Variants in PCDHGB4 observed in about 807,000 individuals in gnomAD.
PCDHGB4 encodes protocadherin gamma subfamily B, 4, also known as protocadherin gamma-B4.
Under a neutral mutation model 60.5 loss-of-function variants are expected in PCDHGB4, and 38 were observed. The ratio of observed to expected loss-of-function variants is 0.63; its 90% CI spans 0.48 to 0.82. The LOEUF is 0.82. PCDHGB4 is among the 40% of genes least tolerant of loss of function. PCDHGB4 has a pLI of 0.00. For synonymous variants in PCDHGB4, 456 were observed against 509.7 expected (o/e 0.89, Z 1.42); for missense variants, 1,109 against 1,209.6 (o/e 0.92, Z 1.23).
chr5:141,428,121 G>A (rs764584436), intron 1 of PCDHGB4: 2 of 1,605,742 alleles, frequency 1.2e-6, no homozygotes, highest in Admixed American at 1.7e-5. Flanking sequence ...CATCGAGCCC[G>A]GGCTTTTCAG....
Position 141,510,942 on chromosome 5 carries a change from T to C in PCDHGB4, c.2546-5T>C, listed in dbSNP as rs769766039. On this transcript the variant is annotated splice_region_variant and splice_polypyrimidine_tract_variant and intron_variant, in intron 3 of 3. Transcript: ENST00000519479. ...CTCCCACCTGATCTTCCTCTGTCTCTGCAGAAGCTGCTGATGGGAGCTCCA... is the reference window on the plus strand; with the variant it reads ...CTCCCACCTGATCTTCCTCTGTCTCCGCAGAAGCTGCTGATGGGAGCTCCA... 5 of 1,613,984 alleles carry C rather than the reference T, an allele frequency of 3.1e-6. No homozygotes were observed. The highest frequency in any genetic ancestry group is 4.2e-6 in the Non-Finnish European group (5 of 1,180,014).
At position 141,486,827 on chromosome 5, in the gene PCDHGB4, C is replaced by G. The variant is rs758132181; in HGVS notation, c.2398-7980C>G. 1.2e-6 allele frequency: 2 copies of G among 1,614,228 alleles called. No homozygotes were observed. Among genetic ancestry groups the G allele is most frequent in the Admixed American group, 1.7e-5 (1 of 60,034 alleles). On this transcript the variant is annotated intron_variant, in intron 1 of 3. Transcript: ENST00000519479. This position sits in a 1 kb window ranked among gnomAD's most constrained non-coding sequence, Gnocchi z 5.0. ...ACCCCTTAGCAGCACTGTAACAGTTCGTCTATTTGTGCTGGACCTCAATGA... is the reference window on the plus strand; with the variant it reads ...ACCCCTTAGCAGCACTGTAACAGTTGGTCTATTTGTGCTGGACCTCAATGA...
chr5:141,476,205 C>G lies in PCDHGB4; in HGVS notation c.2398-18602C>G. ...CTGCTTGGTGCCTTGAACAAGGCTT[C>G]CACGGTCATTCACTATGAGATCCCG... On this transcript the variant is annotated intron_variant, in intron 1 of 3. Transcript: ENST00000519479. The surrounding 1 kb of genome is among the most constrained non-coding windows in gnomAD (Gnocchi z 7.6). 1 of 1,613,892 alleles carries G rather than the reference C, an allele frequency of 6.2e-7. No homozygotes were observed. Among genetic ancestry groups the G allele is most frequent in the Non-Finnish European group, 8.5e-7 (1 of 1,180,012 alleles).
chr5:141,478,202 C>T, intron 1 of PCDHGB4: 1 of 1,614,074 alleles, frequency 6.2e-7, no homozygotes, highest in Non-Finnish European at 8.5e-7. Flanking sequence ...TTATCTACTT[C>T]TTTCTCTAAT....
intron 1 of PCDHGB4, chr5:141,421,710 A>G (rs781498853): frequency 1.2e-6 from 2 of 1,613,940 alleles, no homozygotes; most frequent in South Asian, 2.2e-5. Flanking sequence ...CTAGGGATCC[A>G]GATGTGGGCG....
At chr5:141,505,523 G>C in intron 3 of PCDHGB4, 42 bp downstream of exon 3, 2 of 1,612,760 alleles carry the variant, frequency 1.2e-6, no homozygotes, top group South Asian at 2.2e-5. Context: ...GGGAGACCTG[G>C]GGTTCTGGGG....
intron 1 of PCDHGB4, chr5:141,408,023 A>G (rs2095028170): frequency 1.9e-6 from 2 of 1,054,662 alleles, no homozygotes; most frequent in Middle Eastern, 3.2e-4. Context: ...CCAACAACAG[A>G]AAGAAGAAAA....
chr5:141,433,837 CAAA>C (rs56191208), intron 1 of PCDHGB4, among the ~76,000 whole-genome samples: 5 of 111,684 alleles, frequency 4.5e-5, no homozygotes, highest in Admixed American at 2.0e-4. Flanking sequence ...AACTCTATCT[CAAA>C]AAAAAAAAAA....
At chr5:141,415,712 T>G (rs2095901969) in intron 1 of PCDHGB4, 3 of 1,326,794 alleles carry the variant, frequency 2.3e-6, no homozygotes, top group Non-Finnish European at 3.1e-6. Context: ...GCTAAAACAC[T>G]GATGAGTAGA....
At chr5:141,450,445 T>C (rs1490338949) in intron 1 of PCDHGB4, among the ~76,000 whole-genome samples, 1 of 152,168 alleles carries the variant, frequency 6.6e-6, no homozygotes, top group East Asian at 1.9e-4. Context: ...ATTTGTTTTA[T>C]GTTTCCTCGT....
chr5:141,442,716 G>A (rs1367250926), intron 1 of PCDHGB4, among the ~76,000 whole-genome samples: 1 of 152,206 alleles, frequency 6.6e-6, no homozygotes, highest in East Asian at 1.9e-4. Context: ...ACATGCCAGA[G>A]CATTTGGGGC....
chr5:141,416,817 C>T (rs1197915095), intron 1 of PCDHGB4: 1 of 151,958 alleles, frequency 6.6e-6, no homozygotes, highest in Non-Finnish European at 1.5e-5. Flanking sequence ...AAAAAGCATT[C>T]CGAAGTTTCT....
At position 141,431,270 on chromosome 5, in the gene PCDHGB4, G is replaced by C. The variant is rs369177310; in HGVS notation, c.2397+40989G>C. 1.2e-5 allele frequency: 19 copies of C among 1,613,996 alleles called. No homozygotes were observed. Among genetic ancestry groups the C allele is most frequent in the Non-Finnish European group, 1.5e-5 (18 of 1,180,018 alleles). ...CGGGAAGAACTCTCTGCAGAGCTAC[G>C]AGCTCAGCCCGAACACTCACTTCTC... is the stretch of plus-strand genomic sequence containing the variant. On this transcript the variant is annotated intron_variant, in intron 1 of 3. Coordinates refer to ENST00000519479, the MANE Select transcript of PCDHGB4 (RefSeq NM_003736.4). This position sits in a 1 kb window ranked among gnomAD's most constrained non-coding sequence, Gnocchi z 4.8.
At position 141,454,796 on chromosome 5, in the gene PCDHGB4, A is replaced by ATTTTT. The variant is rs61612330; in HGVS notation, c.2398-39986_2398-39982dup. ...AAGGAAATAATCCTCCATGGTTCTA[A>ATTTTT]TTTTTTTTTTTTTTTTTTTTTTTTT... On this transcript the variant is annotated intron_variant, in intron 1 of 3. Coordinates refer to ENST00000519479, the MANE Select transcript of PCDHGB4 (RefSeq NM_003736.4). 4.5e-3 allele frequency among the ~76,000 whole-genome samples: 350 copies of ATTTTT among 77,444 alleles called. 39 individuals are homozygous for ATTTTT. The highest frequency in any genetic ancestry group is 0.016 in the African/African-American group (266 of 16,872). The allele number at this position is 77,444 out of a possible 152,430, so 50.8% of individuals were successfully genotyped here.
rs201704748 is a variant in PCDHGB4, at chr5:141,431,453, G to A, written c.2397+41172G>A. The A allele has an allele frequency of 5.7e-4, 914 of 1,613,802 alleles. 10 individuals are homozygous for A. The South Asian group carries it at 9.6e-3, about 17-fold the overall frequency. ...AGGCACCGCGCGCATCCGCGTGATG[G>A]TTCTGGATGCGAACGACAACGCACC... On this transcript the variant is annotated intron_variant, in intron 1 of 3. Coordinates refer to ENST00000519479, the MANE Select transcript of PCDHGB4 (RefSeq NM_003736.4). This position sits in a 1 kb window ranked among gnomAD's most constrained non-coding sequence, Gnocchi z 4.8.
In PCDHGB4 at chr5:141,405,345, A is replaced by G. The variant is rs758657243; in HGVS notation, c.2397+15064A>G. 3 of 1,613,944 alleles carry G rather than the reference A, an allele frequency of 1.9e-6. No homozygotes were observed. In the South Asian group the frequency reaches 3.3e-5, roughly 18 times the overall value. On this transcript the variant is annotated intron_variant, in intron 1 of 3. Coordinates refer to ENST00000519479, the MANE Select transcript of PCDHGB4 (RefSeq NM_003736.4). ...CCTTTGTGCGTCTCTGTTGATTCCA[A>G]GTTTCCTATAGAAGACACCCCTTTG...
Position 141,388,686 on chromosome 5 carries a change from GA to G in PCDHGB4, c.803del (p.Asp268AlafsTer25). 1 of 1,613,980 alleles carries G rather than the reference GA, an allele frequency of 6.2e-7. No homozygotes were observed. The highest frequency in any genetic ancestry group is 8.5e-7 in the Non-Finnish European group (1 of 1,179,884). ...CACGGTGCTACAGGTGACTGCCACG[GA>G]CCAGGATGAGGGTGTCAATGCCGAG... ...GTTVLQVTAT[D>X]QDEGVNAEIT... is the part of the protein sequence containing the mutation. On this transcript the variant is annotated frameshift_variant, in exon 1 of 4. Transcript: ENST00000519479. LOFTEE classifies it high-confidence loss of function.
Position 141,454,796 on chromosome 5 carries a change from A to ATTT in PCDHGB4, c.2398-39984_2398-39982dup, listed in dbSNP as rs61612330. 3.3e-3 allele frequency among the ~76,000 whole-genome samples: 253 copies of ATTT among 77,450 alleles called. 31 individuals carry two copies. The highest frequency in any genetic ancestry group is 0.02 in the South Asian group (39 of 1,960). The allele number at this position is 77,450 out of a possible 152,430, so 50.8% of individuals were successfully genotyped here. ...AAGGAAATAATCCTCCATGGTTCTA[A>ATTT]TTTTTTTTTTTTTTTTTTTTTTTTT... On this transcript the variant is annotated intron_variant, in intron 1 of 3. Coordinates refer to ENST00000519479, the MANE Select transcript of PCDHGB4 (RefSeq NM_003736.4).
At chr5:141,461,328 A>G (rs2154567322) in intron 1 of PCDHGB4, among the ~76,000 whole-genome samples, 1 of 152,282 alleles carries the variant, frequency 6.6e-6, no homozygotes, top group East Asian at 1.9e-4. Flanking sequence ...AATAATGGCC[A>G]TTCTTGCAGG....
Sources: gnomAD v4.1 joint callset for allele counts (sites outside exome capture counted in the v4.1 genomes callset) on GRCh38, gnomAD v4.1.1 for gene constraint, Gnocchi (gnomAD v3.1) non-coding constraint, MANE v1.5 for transcripts, NCBI Gene and HGNC (gene_info 2026-07-23, HGNC 2026-07-21) for gene names.